Variants in FBXW8 observed in about 807,000 individuals in gnomAD.
FBXW8 encodes F-box and WD repeat domain containing 8.
In FBXW8, 57 loss-of-function variants were observed where a neutral mutation model predicts 65.3. That is an observed-to-expected ratio of 0.87 (90% confidence interval 0.71 to 1.09). FBXW8 has a LOEUF of 1.09. Among genes scored for constraint, FBXW8 ranks in the 50% least tolerant of loss-of-function variants. FBXW8 has a pLI of 0.00. For synonymous variants in FBXW8, 308 were observed against 330.2 expected (o/e 0.93, Z 0.73); for missense variants, 777 against 814.8 (o/e 0.95, Z 0.57).
chr12:117,019,423 T>C (rs994178859), intron 8 of FBXW8, among the ~76,000 whole-genome samples: 2 of 152,202 alleles, frequency 1.3e-5, no homozygotes, highest in Admixed American at 1.3e-4. Context: ...CTGGAATCGG[T>C]TGTCTTGGCA....
rs188509550 is a variant in FBXW8 at position 116,991,928 on chromosome 12, C to G, written c.1239+3059C>G. 2.6e-5 allele frequency among the ~76,000 whole-genome samples: 4 copies of G among 152,304 alleles called. No homozygotes were observed. In the East Asian group the frequency reaches 7.7e-4, roughly 29 times the overall value. On this transcript the variant is annotated intron_variant, in intron 7 of 10. Transcript: ENST00000652555. Reference sequence around the variant, plus strand: ...CCACATTAGCATGTTACAGGCACCTCAGCTGCATGAGCATGGAGTAATAAT... The same window carrying G: ...CCACATTAGCATGTTACAGGCACCTGAGCTGCATGAGCATGGAGTAATAAT...
In FBXW8 at chr12:116,976,386, T is replaced by TA. The variant is rs35871383; in HGVS notation, c.836-8805dup. 6.5e-3 allele frequency among the ~76,000 whole-genome samples: 865 copies of TA among 133,618 alleles called. 5 individuals are homozygous for TA. The highest frequency in any genetic ancestry group is 0.014 in the African/African-American group (492 of 35,662). The allele number at this position is 133,618 out of a possible 152,430, so 87.7% of individuals were successfully genotyped here. A position where few individuals can be genotyped will look rare whatever the true frequency, so the allele number is the denominator to read the frequency against. ...CCCACCTGCACCCTCCCCTTTTCTT[T>TA]AAAAAAAAAAAAAAATGCATGATGA... On this transcript the variant is annotated intron_variant, in intron 5 of 10. Transcript: ENST00000652555.
chr12:116,960,035 A>C (rs1159823804), intron 4 of FBXW8, among the ~76,000 whole-genome samples: 1 of 152,248 alleles, frequency 6.6e-6, no homozygotes, highest in Non-Finnish European at 1.5e-5. Context: ...CTGACAATGT[A>C]ACTGTCATAG....
intron 8 of FBXW8, among the ~76,000 whole-genome samples, chr12:117,018,582 C>CTG (rs1164463915): frequency 1.4e-5 from 2 of 146,686 alleles, no homozygotes; most frequent in Non-Finnish European, 3.0e-5. Flanking sequence ...GCACACTGTG[C>CTG]TGTCTGCTGT....
intron 5 of FBXW8, chr12:116,978,729 A>G (rs1443309221): frequency 6.6e-6 from 1 of 152,240 alleles, no homozygotes; most frequent in Non-Finnish European, 1.5e-5. Flanking sequence ...GGACTAGTCT[A>G]TGACCTTTCG....
Position 117,030,728 on chromosome 12 carries a change from T to C in FBXW8, c.*2556T>C, listed in dbSNP as rs1412655389. The C allele has an allele frequency of 6.6e-6, 1 of 152,180 alleles. No homozygotes were observed. Among genetic ancestry groups the C allele is most frequent in the African/African-American group, 2.4e-5 (1 of 41,444 alleles). 9.4% of individuals were successfully genotyped at this position (152,180 alleles called of 1,614,324 possible). A position where few individuals can be genotyped will look rare whatever the true frequency, so the allele number is the denominator to read the frequency against. On this transcript the variant is annotated 3_prime_UTR_variant, in exon 11 of 11. Transcript: ENST00000652555. ...GTACCTGCCATTCGTGGAAGTCGCC[T>C]GGGTTTTGTAAAGGAGAATTTTTTG...
At chr12:117,015,976 T>C (rs546682319) in intron 8 of FBXW8, among the ~76,000 whole-genome samples, 1 of 152,356 alleles carries the variant, frequency 6.6e-6, no homozygotes, top group East Asian at 1.9e-4. Flanking sequence ...AGCATGTTTT[T>C]AAGATAAACC....
intron 6 of FBXW8, among the ~76,000 whole-genome samples, chr12:116,987,740 C>G (rs1885827441): frequency 2.0e-5 from 3 of 152,142 alleles, no homozygotes; most frequent in African/African-American, 7.2e-5. Flanking sequence ...AAAACCCCAA[C>G]CTTTTATTTT....
chr12:116,929,863 C>G (rs1881632818), intron 2 of FBXW8, among the ~76,000 whole-genome samples: 1 of 152,192 alleles, frequency 6.6e-6, no homozygotes, highest in Non-Finnish European at 1.5e-5. Context: ...CCACTGGTAA[C>G]CGCCATTCTA....
Position 116,911,359 on chromosome 12 carries a change from A to T in FBXW8, c.318+4A>T, listed in dbSNP as rs902977775. 3.1e-5 allele frequency: 40 copies of T among 1,273,934 alleles called. No homozygotes were observed. Among genetic ancestry groups the T allele is most frequent in the Non-Finnish European group, 3.9e-5 (40 of 1,013,938 alleles). The allele number at this position is 1,273,934 out of a possible 1,614,324, so 78.9% of individuals were successfully genotyped here. A position where few individuals can be genotyped will look rare whatever the true frequency, so the allele number is the denominator to read the frequency against. On this transcript the variant is annotated splice_donor_region_variant and intron_variant, in intron 1 of 10. Coordinates refer to ENST00000652555, the MANE Select transcript of FBXW8 (RefSeq NM_153348.3). ...GGACCAGCTCATCCGCGACCTGGTG[A>T]GTGGCCGTCGCCTCCCCCCCGCCCA...
intron 1 of FBXW8, among the ~76,000 whole-genome samples, chr12:116,921,883 G>C (rs1026459013): frequency 7.1e-6 from 1 of 140,006 alleles, no homozygotes; most frequent in Non-Finnish European, 1.5e-5. Context: ...AGGCTGGAGT[G>C]CAGTGGTGTG....
chr12:116,951,104 C>G (rs539274716), intron 4 of FBXW8: 54 of 152,238 alleles, frequency 3.5e-4, no homozygotes, highest in Non-Finnish European at 6.9e-4. Context: ...CTCTCTGCCT[C>G]TCTGTTCCCT....
chr12:116,942,536 A>C (rs1269703545), intron 2 of FBXW8, among the ~76,000 whole-genome samples: 1 of 149,266 alleles, frequency 6.7e-6, no homozygotes, highest in South Asian at 2.1e-4. Flanking sequence ...CACCATGTCC[A>C]GCTAGTTTTT....
At position 116,936,439 on chromosome 12, in the gene FBXW8, G is replaced by C. The variant is rs1459974469; in HGVS notation, c.423+8312G>C. Among the ~76,000 whole-genome samples, 1 of 152,152 alleles carries C rather than the reference G, an allele frequency of 6.6e-6. No individual in the cohort carries two copies. The highest frequency in any genetic ancestry group is 1.5e-5 in the Non-Finnish European group (1 of 68,032). ...CCTTTGCCGATGTGATTAGGTTAAG[G>C]ATCTAGAGATGGGGTGATTATCTTG... On this transcript the variant is annotated intron_variant, in intron 2 of 10. Coordinates refer to ENST00000652555, the MANE Select transcript of FBXW8 (RefSeq NM_153348.3). The surrounding 1 kb of genome is among the most constrained non-coding windows in gnomAD (Gnocchi z 4.6).
intron 3 of FBXW8, among the ~76,000 whole-genome samples, chr12:116,948,179 A>G (rs1302026591): frequency 6.6e-6 from 1 of 152,178 alleles, no homozygotes; most frequent in African/African-American, 2.4e-5. Flanking sequence ...TGCTAAACTA[A>G]TTGTGGTGGC....
At chr12:116,995,846 T>C (rs1459735549) in intron 7 of FBXW8, among the ~76,000 whole-genome samples, 4 of 152,228 alleles carry the variant, frequency 2.6e-5, no homozygotes, top group Non-Finnish European at 5.9e-5. Flanking sequence ...GCTGTTAATG[T>C]AGCCTTCGTG....
intron 5 of FBXW8, among the ~76,000 whole-genome samples, chr12:116,973,280 A>G (rs1045012002): frequency 2.0e-5 from 3 of 152,206 alleles, no homozygotes; most frequent in African/African-American, 7.2e-5. Context: ...ATTGGCAACC[A>G]TCACAGTAAT....
intron 8 of FBXW8, among the ~76,000 whole-genome samples, chr12:117,021,302 A>C (rs1954088160): frequency 1.3e-5 from 2 of 152,332 alleles, no homozygotes; most frequent in South Asian, 4.1e-4. Context: ...CTGTCGATTT[A>C]ATAATGGGTT....
At chr12:116,993,278 A>G (rs775461470) in intron 7 of FBXW8, among the ~76,000 whole-genome samples, 1 of 151,188 alleles carries the variant, frequency 6.6e-6, no homozygotes, top group Non-Finnish European at 1.5e-5. Context: ...TAATTTTTGT[A>G]TTTTTAGTAG....
Sources: gnomAD v4.1 joint callset for allele counts (sites outside exome capture counted in the v4.1 genomes callset) on GRCh38, gnomAD v4.1.1 for gene constraint, Gnocchi (gnomAD v3.1) non-coding constraint, MANE v1.5 for transcripts, NCBI Gene and HGNC (gene_info 2026-07-23, HGNC 2026-07-21) for gene names.